Variants in SGCZ observed in about 807,000 individuals in gnomAD.
The protein encoded by SGCZ is zeta-sarcoglycan.
SGCZ carries 40 observed loss-of-function variants against 41.3 expected under a neutral mutation model. The ratio of observed to expected loss-of-function variants is 0.97; its 90% CI spans 0.75 to 1.26. The LOEUF (loss-of-function observed/expected upper bound fraction) is 1.26, where lower values mean the gene tolerates loss of function less well. SGCZ is among the 50% of genes most tolerant of loss of function. The probability of loss-of-function intolerance (pLI) is 0.00; values close to 1 mark genes in which losing one functional copy is unlikely to be tolerated. For synonymous variants in SGCZ, 206 were observed against 137.5 expected (o/e 1.50, Z -3.49); for missense variants, 552 against 369.8 (o/e 1.49, Z -4.04).
chr8:15,167,767 G>A (rs1598745), intron 1 of SGCZ, among the ~76,000 whole-genome samples: 35,676 of 152,006 alleles, frequency 0.23, 5,041 homozygotes, highest in East Asian at 0.68. Flanking sequence ...GTTGTCTTAA[G>A]TTTTTGCCTA....
At chr8:14,647,646 G>A (rs190614929) in intron 1 of SGCZ, among the ~76,000 whole-genome samples, 29,777 of 151,732 alleles carry the variant, frequency 0.2, 3,418 homozygotes, top group East Asian at 0.6. Flanking sequence ...GAATAAATTA[G>A]TTTGTTCATT....
At chr8:14,119,919 A>C (rs1344989522) in intron 5 of SGCZ, among the ~76,000 whole-genome samples, 1 of 152,038 alleles carries the variant, frequency 6.6e-6, no homozygotes, top group Non-Finnish European at 1.5e-5. Context: ...AGCCCACTTG[A>C]TTGTGGTGGA....
intron 3 of SGCZ, among the ~76,000 whole-genome samples, chr8:14,249,352 T>C (rs1799208515): frequency 6.6e-6 from 1 of 152,120 alleles, no homozygotes; most frequent in African/African-American, 2.4e-5. Flanking sequence ...GGTCTCCAAC[T>C]GGCTAACTAC....
chr8:14,443,877 C>T (rs1036741071), intron 2 of SGCZ, among the ~76,000 whole-genome samples: 2 of 152,104 alleles, frequency 1.3e-5, no homozygotes, highest in Non-Finnish European at 2.9e-5. Context: ...AACAGGCAAC[C>T]TACAGAATGG....
intron 2 of SGCZ, among the ~76,000 whole-genome samples, chr8:14,347,503 G>A (rs1301682365): frequency 6.6e-6 from 1 of 151,802 alleles, no homozygotes; most frequent in East Asian, 1.9e-4. Flanking sequence ...TTTAGTCACT[G>A]CATTAAAATT....
At chr8:15,197,992 AT>A (rs1210295173) in intron 1 of SGCZ, among the ~76,000 whole-genome samples, 2 of 148,928 alleles carry the variant, frequency 1.3e-5, no homozygotes, top group Non-Finnish European at 3.0e-5. Context: ...AGATACATAT[AT>A]TTACATAATT....
chr8:14,620,653 G>T (rs1709667367), intron 1 of SGCZ, among the ~76,000 whole-genome samples: 1 of 152,164 alleles, frequency 6.6e-6, no homozygotes, highest in African/African-American at 2.4e-5. Context: ...CTTCTCAAAA[G>T]AAGACATTTC....
chr8:14,277,084 G>A (rs575981080), intron 3 of SGCZ, among the ~76,000 whole-genome samples: 1 of 152,242 alleles, frequency 6.6e-6, no homozygotes, highest in East Asian at 1.9e-4. Flanking sequence ...CTTTGTTCAA[G>A]ATGCCAAGAA....
chr8:14,659,740 T>C (rs1206098741), intron 1 of SGCZ, among the ~76,000 whole-genome samples: 1 of 152,150 alleles, frequency 6.6e-6, no homozygotes, highest in East Asian at 1.9e-4. Flanking sequence ...AGTGCTGATA[T>C]TGATTAAATT....
intron 1 of SGCZ, among the ~76,000 whole-genome samples, chr8:14,634,593 C>A (rs1585142062): frequency 6.6e-6 from 1 of 151,778 alleles, no homozygotes. Context: ...AACTTATCTA[C>A]AAAATGACTG....
chr8:15,055,662 G>C (rs1804677664), intron 1 of SGCZ, among the ~76,000 whole-genome samples: 1 of 152,206 alleles, frequency 6.6e-6, no homozygotes, highest in African/African-American at 2.4e-5. Flanking sequence ...CACTTGTCAA[G>C]TGCTGCTGGC....
At chr8:14,141,097 G>T (rs990673267) in intron 5 of SGCZ, among the ~76,000 whole-genome samples, 1 of 152,188 alleles carries the variant, frequency 6.6e-6, no homozygotes, top group Non-Finnish European at 1.5e-5. Context: ...AATAAATGGT[G>T]CTGGGAAAAC....
At chr8:15,040,488 G>C (rs560618153) in intron 1 of SGCZ, among the ~76,000 whole-genome samples, 1 of 151,992 alleles carries the variant, frequency 6.6e-6, no homozygotes, top group Non-Finnish European at 1.5e-5. Context: ...GTGGTGGCAG[G>C]CATCTGTAAT....
chr8:15,064,160 T>C (rs1805037984), intron 1 of SGCZ, among the ~76,000 whole-genome samples: 1 of 152,200 alleles, frequency 6.6e-6, no homozygotes, highest in African/African-American at 2.4e-5. Flanking sequence ...GGCCATGACA[T>C]GACCCATACT....
At chr8:14,902,643 G>C in intron 1 of SGCZ, among the ~76,000 whole-genome samples, 1 of 152,104 alleles carries the variant, frequency 6.6e-6, no homozygotes, top group Non-Finnish European at 1.5e-5. Context: ...TCTTCAGAAA[G>C]TTGTCTATTG....
At chr8:14,654,306 G>GATGGGAGGAA (rs1807492370) in intron 1 of SGCZ, among the ~76,000 whole-genome samples, 1 of 151,658 alleles carries the variant, frequency 6.6e-6, no homozygotes, top group Non-Finnish European at 1.5e-5. Flanking sequence ...TCCCAGTTCT[G>GATGGGAGGAA]TCACTTATTT....
At chr8:14,534,335 T>G (rs13254243) in intron 2 of SGCZ, among the ~76,000 whole-genome samples, 58,263 of 151,832 alleles carry the variant, frequency 0.38, 12,161 homozygotes, top group Non-Finnish European at 0.48. Context: ...TAGAGCTCTT[T>G]CTGTCTAAAC....
intron 1 of SGCZ, among the ~76,000 whole-genome samples, chr8:14,783,132 G>A (rs1027877182): frequency 6.6e-6 from 1 of 152,106 alleles, no homozygotes; most frequent in Non-Finnish European, 1.5e-5. Flanking sequence ...AATTCCAAGA[G>A]ATAGAAAGTA....
chr8:14,513,524 A>G (rs1802526007), intron 2 of SGCZ, among the ~76,000 whole-genome samples: 1 of 140,738 alleles, frequency 7.1e-6, no homozygotes, highest in Non-Finnish European at 1.6e-5. Context: ...AAACTAATTA[A>G]TAATATACAT....
Sources: gnomAD v4.1 joint callset for allele counts (sites outside exome capture counted in the v4.1 genomes callset) on GRCh38, gnomAD v4.1.1 for gene constraint, MANE v1.5 for transcripts, NCBI Gene and HGNC (gene_info 2026-07-23, HGNC 2026-07-21) for gene names.